The following CRMP1 variants were observed in gnomAD, a reference collection of about 807,000 sequenced individuals.
CRMP1 encodes the protein collapsin response mediator protein 1.
Under a neutral mutation model 68.3 loss-of-function variants are expected in CRMP1, and 19 were observed. The observed-to-expected ratio is 0.28, with a 90% CI of 0.19 to 0.41. The LOEUF is 0.41. CRMP1 is among the 10% of genes least tolerant of loss of function. The pLI is 1.00. For synonymous variants in CRMP1, 439 were observed against 399.6 expected, an observed-to-expected ratio of 1.10 and a Z score of -1.18; for missense variants, 791 against 967.4, an observed-to-expected ratio of 0.82 and a Z score of 2.42.
At chr4:5,836,589 C>T (rs1022080418) in intron 10 of CRMP1, among the ~76,000 whole-genome samples, 176 bp downstream of exon 10, 3 of 152,224 alleles carry the variant, frequency 2.0e-5, no homozygotes, top group Non-Finnish European at 4.4e-5. Flanking sequence ...AGGCCTCTCC[C>T]GGACTTGAGC....
Position 5,825,369 on chromosome 4 carries a change from A to G in CRMP1, c.1969+125T>C. 6.9e-7 allele frequency: 1 copy of G among 1,447,112 alleles called. No individual in the cohort carries two copies. The highest frequency in any genetic ancestry group is 9.0e-7 in the Non-Finnish European group (1 of 1,107,744). The allele number at this position is 1,447,112 out of a possible 1,614,324, so 89.6% of individuals were successfully genotyped here. ...CAGTGAGAGCAGGCTCGGGTGGGGC[A>G]CACTCCCTTCCCTGCTTCTTCATCT... On this transcript the variant is annotated intron_variant, in intron 13 of 13. Transcript: ENST00000324989. The surrounding 1 kb of genome is among the most constrained non-coding windows in gnomAD (Gnocchi z 4.4).
At chr4:5,827,143 T>C (rs79865361) in intron 12 of CRMP1, among the ~76,000 whole-genome samples, 5,341 of 152,316 alleles carry the variant, frequency 0.035, 145 homozygotes, top group South Asian at 0.11. Context: ...CTCCTGCAAA[T>C]TGCTGTCTTG....
intron 2 of CRMP1, among the ~76,000 whole-genome samples, chr4:5,864,625 G>C (rs1311236718): frequency 2.0e-5 from 3 of 152,190 alleles, no homozygotes; most frequent in African/African-American, 2.4e-5. Flanking sequence ...TGTGACAGTG[G>C]CTGCAACAGA....
At chr4:5,835,441 T>C (rs144829069) in intron 11 of CRMP1, among the ~76,000 whole-genome samples, 93 of 152,306 alleles carry the variant, frequency 6.1e-4, no homozygotes, top group African/African-American at 2.2e-3. Context: ...CCCATAACTA[T>C]GGGCATGGAA....
chr4:5,837,651 A>AAAATAAAAT (rs1273242748), intron 9 of CRMP1, among the ~76,000 whole-genome samples: 40 of 117,840 alleles, frequency 3.4e-4, no homozygotes, highest in African/African-American at 1.7e-3. Flanking sequence ...AAAATAAAAT[A>AAAATAAAAT]ATAAAATAAA....
At chr4:5,887,769 T>A (rs1426337139) in intron 1 of CRMP1, 1 of 986,038 alleles carries the variant, frequency 1.0e-6, no homozygotes, top group African/African-American at 1.7e-5. Context: ...CTGGATGATC[T>A]TTTTCCCTCC....
chr4:5,851,288 G>C, intron 5 of CRMP1, 120 bp downstream of exon 5: 1 of 889,534 alleles, frequency 1.1e-6, no homozygotes, highest in South Asian at 1.4e-5. Context: ...TTCCATGCCA[G>C]AACCAGGACT....
intron 5 of CRMP1, among the ~76,000 whole-genome samples, chr4:5,849,934 G>A (rs1712499653): frequency 6.6e-6 from 1 of 152,170 alleles, no homozygotes; most frequent in South Asian, 2.1e-4. Context: ...ACAAAAATAT[G>A]AACCCATGCC....
chr4:5,827,609 TACACACACGC>T (rs1719844564), intron 12 of CRMP1, among the ~76,000 whole-genome samples: 1 of 151,702 alleles, frequency 6.6e-6, no homozygotes, highest in Non-Finnish European at 1.5e-5. Flanking sequence ...CATGCTCGCA[TACACACACGC>T]GCACACACAC....
intron 6 of CRMP1, among the ~76,000 whole-genome samples, chr4:5,845,245 G>A (rs1325679653): frequency 1.3e-5 from 2 of 152,172 alleles, no homozygotes; most frequent in African/African-American, 4.8e-5. Flanking sequence ...GTGTGGGCTG[G>A]ACCCAGCACC....
intron 4 of CRMP1, among the ~76,000 whole-genome samples, chr4:5,852,380 T>C (rs780639895): frequency 2.6e-5 from 4 of 152,212 alleles, no homozygotes; most frequent in Non-Finnish European, 4.4e-5. Context: ...AGTACACTCA[T>C]GACAAATAGC....
chr4:5,823,989 G>T (rs1320380959), intron 13 of CRMP1, among the ~76,000 whole-genome samples: 2 of 152,214 alleles, frequency 1.3e-5, no homozygotes, highest in Non-Finnish European at 2.9e-5. Context: ...CCTGCCAAGA[G>T]GCTGGCTGAC....
chr4:5,826,080 CCA>C (rs746200123), intron 12 of CRMP1: 22 of 251,540 alleles, frequency 8.7e-5, no homozygotes, highest in Middle Eastern at 1.3e-3. Flanking sequence ...GCATACATGC[CCA>C]CACACACACT....
In CRMP1 at chr4:5,891,309, A is replaced by C. The variant is rs960188078; in HGVS notation, c.381+1280T>G. On this transcript the variant is annotated intron_variant, in intron 1 of 13. Transcript: ENST00000324989. The surrounding 1 kb of genome is among the most constrained non-coding windows in gnomAD (Gnocchi z 5.2). ...GCCCGCGAAGGGATGGGGCCCGAAG[A>C]GGCCCACCACCGTGTTTACCAGTTC... is the stretch of plus-strand genomic sequence containing the variant. 1.3e-5 allele frequency among the ~76,000 whole-genome samples: 2 copies of C among 151,838 alleles called. No homozygotes were observed. The highest frequency in any genetic ancestry group is 4.8e-5 in the African/African-American group (2 of 41,304).
chr4:5,887,947 C>T lies in CRMP1; in HGVS notation c.381+4642G>A, dbSNP rs1008158054. ...GGCTCCGCATCCTCCCTGTCCACGCCATCCTCTGGCACATCCCGTGGGGGG... is the reference window on the plus strand; with the variant it reads ...GGCTCCGCATCCTCCCTGTCCACGCTATCCTCTGGCACATCCCGTGGGGGG... On this transcript the variant is annotated intron_variant, in intron 1 of 13. Coordinates refer to ENST00000324989, the MANE Select transcript of CRMP1 (RefSeq NM_001014809.3). 1.2e-5 allele frequency: 7 copies of T among 575,326 alleles called. No homozygotes were observed. The African/African-American group carries it at 1.4e-4, about 11-fold the overall frequency. 35.6% of individuals were successfully genotyped at this position (575,326 alleles called of 1,614,324 possible).
In CRMP1 at chr4:5,860,661, TC is replaced by T. The variant is rs1713478671; in HGVS notation, c.655+364del. Among the ~76,000 whole-genome samples, 1 of 151,810 alleles carries T rather than the reference TC, an allele frequency of 6.6e-6. No homozygotes were observed. Among genetic ancestry groups the T allele is most frequent in the African/African-American group, 2.4e-5 (1 of 41,306 alleles). On this transcript the variant is annotated intron_variant, in intron 3 of 13. Coordinates refer to ENST00000324989, the MANE Select transcript of CRMP1 (RefSeq NM_001014809.3). The surrounding 1 kb of genome is among the most constrained non-coding windows in gnomAD (Gnocchi z 4.2). ...TTTTTTTTGCTTTATCTCCCTATAATCCATGTCTTCTTTACTTAATACTTTT... is the reference window on the plus strand; with the variant it reads ...TTTTTTTTGCTTTATCTCCCTATAATCATGTCTTCTTTACTTAATACTTTT...
At chr4:5,824,767 G>A in intron 13 of CRMP1, 1 of 984,338 alleles carries the variant, frequency 1.0e-6, no homozygotes, top group Non-Finnish European at 1.2e-6. Flanking sequence ...ACCCAGCACG[G>A]TGTGCAACCC....
Position 5,842,581 on chromosome 4 carries a change from C to T in CRMP1, c.1032+512G>A, listed in dbSNP as rs1711832980. 7.3e-6 allele frequency among the ~76,000 whole-genome samples: 1 copy of T among 136,822 alleles called. No homozygotes were observed. Among genetic ancestry groups the T allele is most frequent in the African/African-American group, 2.8e-5 (1 of 35,664 alleles). 89.8% of individuals were successfully genotyped at this position (136,822 alleles called of 152,430 possible). A position where few individuals can be genotyped will look rare whatever the true frequency, so the allele number is the denominator to read the frequency against. On this transcript the variant is annotated intron_variant, in intron 7 of 13. Coordinates refer to ENST00000324989, the MANE Select transcript of CRMP1 (RefSeq NM_001014809.3). This position sits in a 1 kb window ranked among gnomAD's most constrained non-coding sequence, Gnocchi z 4.5. ...CCCTGCAGGTGCATGCACATGCACC[C>T]ACACTCACACACTCTCTCACACACA...
chr4:5,837,057 C>G, intron 9 of CRMP1, 151 bp from the exon 10 acceptor site: 2 of 866,354 alleles, frequency 2.3e-6, no homozygotes, highest in East Asian at 2.7e-5. Context: ...TGTGCCTGCA[C>G]GTGTCACAAG....
Sources: allele counts gnomAD v4.1 joint callset (sites outside exome capture counted in the v4.1 genomes callset), GRCh38; gene constraint gnomAD v4.1.1; non-coding constraint Gnocchi (gnomAD v3.1); transcripts MANE v1.5; gene names NCBI Gene and HGNC (gene_info 2026-07-23, HGNC 2026-07-21).